MAP3K5: variants seen among roughly 807,000 people sequenced by gnomAD.
The protein encoded by MAP3K5 is ASK-1.
Under a neutral mutation model 158.7 loss-of-function variants are expected in MAP3K5, and 56 were observed. The ratio of observed to expected loss-of-function variants is 0.35; its 90% confidence interval spans 0.28 to 0.44. The LOEUF is 0.44. Ranked by LOEUF, MAP3K5 falls within the 20% of genes least tolerant of loss-of-function variation. The probability of loss-of-function intolerance (pLI) is 1.00; values close to 1 mark genes in which losing one functional copy is unlikely to be tolerated. For synonymous variants in MAP3K5, 579 were observed against 601.7 expected, an observed-to-expected ratio of 0.96 and a Z score of 0.55; for missense variants, 1,294 against 1,674.8, an observed-to-expected ratio of 0.77 and a Z score of 3.97.
At chr6:136,783,547 A>G (rs1315058064) in intron 1 of MAP3K5, among the ~76,000 whole-genome samples, 1 of 152,140 alleles carries the variant, frequency 6.6e-6, no homozygotes, top group Non-Finnish European at 1.5e-5. Context: ...TGATAACCAC[A>G]TAGCTGTGGG....
rs539817132 is a variant in MAP3K5 at position 136,596,622 on chromosome 6, G to C, written c.2879-4008C>G. On this transcript the variant is annotated intron_variant, in intron 21 of 29. Transcript: ENST00000359015. ...GAGAGGCAGAAGCTGGAGGAGTCAC[G>C]GGGGCTCCACAGGAGCCAGAACTCA... 2.6e-5 allele frequency among the ~76,000 whole-genome samples: 4 copies of C among 152,190 alleles called. No homozygotes were observed. The South Asian group carries it at 6.2e-4, about 24-fold the overall frequency.
intron 24 of MAP3K5, among the ~76,000 whole-genome samples, chr6:136,582,176 C>T (rs189660764): frequency 3.3e-5 from 5 of 152,140 alleles, no homozygotes; most frequent in East Asian, 3.9e-4. Context: ...TAGCAAATTA[C>T]ATCATAGGGC....
rs143040637 is a variant in MAP3K5 at position 136,716,100 on chromosome 6, C to A, written c.588+4350G>T. ...GAAGGTATCTATTAATTCTCCATTT[C>A]CTTGGGAGGAGGAGCTATTATAAAC... On this transcript the variant is annotated intron_variant, in intron 2 of 29. Transcript: ENST00000359015. 2.2e-5 allele frequency among the ~76,000 whole-genome samples: 3 copies of A among 138,580 alleles called. No individual in the cohort carries two copies. The East Asian group carries it at 6.9e-4, about 32-fold the overall frequency. The allele number at this position is 138,580 out of a possible 152,430, so 90.9% of individuals were successfully genotyped here. A position where few individuals can be genotyped will look rare whatever the true frequency, so the allele number is the denominator to read the frequency against.
At chr6:136,676,451 C>T (rs1206829331) in intron 7 of MAP3K5, among the ~76,000 whole-genome samples, 1 of 152,156 alleles carries the variant, frequency 6.6e-6, no homozygotes, top group East Asian at 1.9e-4. Context: ...CACTGTGTTA[C>T]ATTATTCACT....
chr6:136,636,910 A>G, intron 14 of MAP3K5: 1 of 998,594 alleles, frequency 1.0e-6, no homozygotes, highest in Non-Finnish European at 1.2e-6. Flanking sequence ...TCTTAATTCC[A>G]TTAATCTTCC....
intron 14 of MAP3K5, among the ~76,000 whole-genome samples, chr6:136,632,199 T>C (rs1300204873): frequency 3.3e-5 from 5 of 152,154 alleles, no homozygotes; most frequent in Non-Finnish European, 2.9e-5. Flanking sequence ...GGTGAGAATG[T>C]TGTATGGTGC....
At chr6:136,683,785 G>T (rs1190117954) in intron 7 of MAP3K5, among the ~76,000 whole-genome samples, 3 of 152,090 alleles carry the variant, frequency 2.0e-5, no homozygotes, top group Non-Finnish European at 4.4e-5. Context: ...GACATTTCTG[G>T]AAATGTCTAT....
intron 21 of MAP3K5, 102 bp from the exon 22 acceptor site, chr6:136,592,716 G>C: frequency 1.0e-6 from 1 of 979,504 alleles, no homozygotes; most frequent in Non-Finnish European, 1.6e-6. Context: ...CAAATATCTT[G>C]TTGCAATGAG....
chr6:136,637,356 T>A lies in MAP3K5; in HGVS notation c.1985A>T (p.Glu662Val), dbSNP rs1443681992. 1 of 1,612,766 alleles carries A rather than the reference T, an allele frequency of 6.2e-7. No individual in the cohort carries two copies. The highest frequency in any genetic ancestry group is 1.7e-5 in the Admixed American group (1 of 60,018). ...TITEEKGRST[E>V]EGDCESDLLE... is the part of the protein sequence containing the mutation. Reference sequence around the variant, plus strand: ...CAAGTCACTTTCACAGTCTCCTTCCTCTGTGCTTCTCCCCTTCTCTTCGGT... The same window carrying A: ...CAAGTCACTTTCACAGTCTCCTTCCACTGTGCTTCTCCCCTTCTCTTCGGT... Residue 662 changes from glutamate to valine, a missense_variant, in exon 14 of 30, where the codon GAG becomes GTG. Physicochemically the swap from Glu to Val is moderately radical, Grantham distance 121 (BLOSUM62 -2). Around this residue, in one of 5 missense-constraint regions of MAP3K5, gnomAD observed 690 missense variants for 870.5 expected, o/e 0.79. Coordinates refer to ENST00000359015, the MANE Select transcript of MAP3K5 (RefSeq NM_005923.4).
rs1776421268 is a variant in MAP3K5 at position 136,613,277 on chromosome 6, G to A, written c.2279-21C>T. 3 of 1,602,344 alleles carry A rather than the reference G, an allele frequency of 1.9e-6. No individual in the cohort carries two copies. The highest frequency in any genetic ancestry group is 1.3e-5 in the African/African-American group (1 of 74,394). On this transcript the variant is annotated intron_variant, in intron 16 of 29. Transcript: ENST00000359015. The surrounding 1 kb of genome is among the most constrained non-coding windows in gnomAD (Gnocchi z 4.0). ...ACTTCCTGTAAAGTAGGGATAAATA[G>A]TAAATAAATCCTCATTCAAATGAGC...
chr6:136,783,507 T>C (rs939973147), intron 1 of MAP3K5, among the ~76,000 whole-genome samples: 9 of 152,222 alleles, frequency 5.9e-5, no homozygotes, highest in African/African-American at 2.2e-4. Flanking sequence ...AGATATATTT[T>C]TCCCAAAGCT....
intron 1 of MAP3K5, among the ~76,000 whole-genome samples, chr6:136,744,140 G>C (rs1782830929): frequency 6.6e-6 from 1 of 152,040 alleles, no homozygotes; most frequent in African/African-American, 2.4e-5. Context: ...CACCAAGAAT[G>C]AACCCTAATG....
intron 15 of MAP3K5, 22 bp downstream of exon 15, chr6:136,622,826 T>G: frequency 6.2e-7 from 1 of 1,609,486 alleles, no homozygotes; most frequent in Non-Finnish European, 8.5e-7. Context: ...AGAACAGCTT[T>G]TAGTAGCTAC....
intron 15 of MAP3K5, among the ~76,000 whole-genome samples, chr6:136,615,454 T>C (rs1446084731): frequency 2.0e-5 from 3 of 152,166 alleles, no homozygotes; most frequent in Admixed American, 1.3e-4. Flanking sequence ...TTTGTTTTTG[T>C]TTTTTGAAAA....
intron 15 of MAP3K5, among the ~76,000 whole-genome samples, chr6:136,620,127 A>G (rs7764760): frequency 0.019 from 2,951 of 152,228 alleles, 97 homozygotes; most frequent in African/African-American, 0.068. Context: ...AAAATTAGGC[A>G]GGCATGATGA....
chr6:136,637,240 T>C (rs911743757), intron 14 of MAP3K5, 85 bp downstream of exon 14: 3 of 1,296,278 alleles, frequency 2.3e-6, no homozygotes, highest in Admixed American at 3.5e-5. Flanking sequence ...CTACCCCTCA[T>C]ACACCCTGCC....
chr6:136,730,733 A>G (rs1287524303), intron 1 of MAP3K5, among the ~76,000 whole-genome samples: 1 of 151,706 alleles, frequency 6.6e-6, no homozygotes, highest in African/African-American at 2.4e-5. Flanking sequence ...AAAAAAAAAA[A>G]AAAAAAAAAA....
At chr6:136,567,945 T>C in intron 25 of MAP3K5, 71 bp from the exon 26 acceptor site, 1 of 1,497,214 alleles carries the variant, frequency 6.7e-7, no homozygotes, top group Non-Finnish European at 9.1e-7. Flanking sequence ...AAGATATGAA[T>C]GCTACCCTCC....
At chr6:136,707,081 G>A (rs1432812815) in intron 2 of MAP3K5, among the ~76,000 whole-genome samples, 1 of 152,170 alleles carries the variant, frequency 6.6e-6, no homozygotes, top group African/African-American at 2.4e-5. Context: ...CTTGAGCCTT[G>A]AAGATCGAGG....
Sources: allele counts gnomAD v4.1 joint callset (sites outside exome capture counted in the v4.1 genomes callset), GRCh38; gene constraint gnomAD v4.1.1; regional missense constraint gnomAD v4.1.1; non-coding constraint Gnocchi (gnomAD v3.1); transcripts MANE v1.5; gene names NCBI Gene and HGNC (gene_info 2026-07-23, HGNC 2026-07-21).